Variants in GPC6 observed in about 807,000 individuals in gnomAD.
GPC6 encodes glypican-6.
GPC6 carries 14 observed loss-of-function variants against 55.2 expected under a neutral mutation model. The ratio of observed to expected loss-of-function variants is 0.25; its 90% CI spans 0.17 to 0.40. The LOEUF (loss-of-function observed/expected upper bound fraction) is 0.40, where lower values mean the gene tolerates loss of function less well. Ranked by LOEUF, GPC6 falls within the 10% of genes least tolerant of loss-of-function variation. The pLI, the probability that GPC6 is intolerant of heterozygous loss-of-function variation, is 1.00. For synonymous variants in GPC6, 278 were observed against 259.6 expected (o/e 1.07, Z -0.68); for missense variants, 641 against 708.5 (o/e 0.90, Z 1.08).
At chr13:94,029,361 TAA>T (rs1324663100) in intron 4 of GPC6, among the ~76,000 whole-genome samples, 1 of 152,260 alleles carries the variant, frequency 6.6e-6, no homozygotes, top group Non-Finnish European at 1.5e-5. Flanking sequence ...AGTTAATCAT[TAA>T]GTTATCCTTC....
At chr13:93,831,719 T>C (rs1211605658) in intron 3 of GPC6, among the ~76,000 whole-genome samples, 1 of 152,104 alleles carries the variant, frequency 6.6e-6, no homozygotes, top group Non-Finnish European at 1.5e-5. Flanking sequence ...ACAGAAAGAT[T>C]ATTTCTAGGA....
At chr13:93,968,200 A>T (rs1880130321) in intron 3 of GPC6, among the ~76,000 whole-genome samples, 1 of 152,228 alleles carries the variant, frequency 6.6e-6, no homozygotes, top group Non-Finnish European at 1.5e-5. Flanking sequence ...GCCAATTGAT[A>T]TGGAAGAGAG....
In GPC6 at chr13:93,505,776, G is replaced by C. The variant is rs181227537; in HGVS notation, c.161-39487G>C. On this transcript the variant is annotated intron_variant, in intron 1 of 8. Transcript: ENST00000377047. Reference sequence around the variant, plus strand: ...CATTGCTTTGTTTGTCCTCAGCTGGGAACATGTGTATCAGATGACTCAAAC... The same window carrying C: ...CATTGCTTTGTTTGTCCTCAGCTGGCAACATGTGTATCAGATGACTCAAAC... 5.6e-3 allele frequency among the ~76,000 whole-genome samples: 848 copies of C among 152,300 alleles called. 8 individuals are homozygous for C. The highest frequency in any genetic ancestry group is 0.02 in the African/African-American group (811 of 41,556).
At chr13:93,476,054 T>G (rs1433287517) in intron 1 of GPC6, among the ~76,000 whole-genome samples, 1 of 152,162 alleles carries the variant, frequency 6.6e-6, no homozygotes, top group African/African-American at 2.4e-5. Flanking sequence ...CCTGACTGAT[T>G]TTTTCATATT....
rs539303545 is a variant in GPC6, at chr13:94,025,112, A to G, written c.712-2617A>G. Reference sequence around the variant, plus strand: ...ATGCTCTAGGTTCTAATACCAGAACACTGAGTGAGAAGCACAGCATCATTT... The same window carrying G: ...ATGCTCTAGGTTCTAATACCAGAACGCTGAGTGAGAAGCACAGCATCATTT... On this transcript the variant is annotated intron_variant, in intron 3 of 8. Coordinates refer to ENST00000377047, the MANE Select transcript of GPC6 (RefSeq NM_005708.5). Among the ~76,000 whole-genome samples, 12 of 152,374 alleles carry G rather than the reference A, an allele frequency of 7.9e-5. 1 individual carries two copies. The South Asian group carries it at 2.5e-3, about 32-fold the overall frequency.
At chr13:93,893,114 C>A (rs1418467459) in intron 3 of GPC6, among the ~76,000 whole-genome samples, 1 of 148,922 alleles carries the variant, frequency 6.7e-6, no homozygotes, top group Admixed American at 6.7e-5. Context: ...GGCTGGAGTG[C>A]AATGGCACAA....
intron 4 of GPC6, among the ~76,000 whole-genome samples, chr13:94,147,159 C>A (rs569953251): frequency 1.3e-5 from 2 of 152,262 alleles, no homozygotes; most frequent in Non-Finnish European, 2.9e-5. Context: ...TTATAAAGAT[C>A]ATTTGCAGGT....
In GPC6 at chr13:93,820,613, T is replaced by TA. The variant is rs139710140; in HGVS notation, c.320-9531dup. Among the ~76,000 whole-genome samples the TA allele has an allele frequency of 3.1e-3, 450 of 146,356 alleles. 4 individuals carry two copies. The highest frequency in any genetic ancestry group is 8.8e-3 in the African/African-American group (356 of 40,244). On this transcript the variant is annotated intron_variant, in intron 2 of 8. Coordinates refer to ENST00000377047, the MANE Select transcript of GPC6 (RefSeq NM_005708.5). Reference sequence around the variant, plus strand: ...TTATTAATTGTCATGAATGGAAAGTTAAAAAAAAAAGGAAATTGTAATAAC... The same window carrying TA: ...TTATTAATTGTCATGAATGGAAAGTTAAAAAAAAAAAGGAAATTGTAATAAC...
chr13:93,771,019 C>G (rs191769819), intron 2 of GPC6, among the ~76,000 whole-genome samples: 1 of 152,230 alleles, frequency 6.6e-6, no homozygotes, highest in East Asian at 1.9e-4. Flanking sequence ...ATCCTACAGT[C>G]TCAGTAATCT....
chr13:93,902,094 T>C (rs892846570), intron 3 of GPC6, among the ~76,000 whole-genome samples: 6 of 152,026 alleles, frequency 3.9e-5, no homozygotes, highest in African/African-American at 1.4e-4. Flanking sequence ...TTTTAGCTAT[T>C]TTAAAATGTA....
intron 1 of GPC6, among the ~76,000 whole-genome samples, chr13:93,315,027 A>C (rs898346984): frequency 6.6e-6 from 1 of 152,088 alleles, no homozygotes; most frequent in Non-Finnish European, 1.5e-5. Flanking sequence ...AAAACAGTAC[A>C]TTGTTGGTTT....
intron 1 of GPC6, among the ~76,000 whole-genome samples, chr13:93,512,402 G>GT (rs1194845246): frequency 6.6e-6 from 1 of 152,002 alleles, no homozygotes; most frequent in Non-Finnish European, 1.5e-5. Context: ...TATATAAAAT[G>GT]TTTTTTGTGT....
chr13:94,168,411 G>A (rs1442069960), intron 4 of GPC6, among the ~76,000 whole-genome samples: 1 of 152,198 alleles, frequency 6.6e-6, no homozygotes, highest in East Asian at 1.9e-4. Context: ...AGCCCGTAAT[G>A]TTGGGGGCCA....
At chr13:94,228,691 T>TATGTACGTGGAG (rs1890629109) in intron 4 of GPC6, among the ~76,000 whole-genome samples, 2 of 151,692 alleles carry the variant, frequency 1.3e-5, no homozygotes, top group Non-Finnish European at 2.9e-5. Flanking sequence ...CACATAGGCC[T>TATGTACGTGGAG]AAAGAATATT....
intron 3 of GPC6, among the ~76,000 whole-genome samples, chr13:94,005,878 G>T (rs972483855): frequency 2.0e-5 from 3 of 152,190 alleles, no homozygotes; most frequent in South Asian, 4.2e-4. Flanking sequence ...TCTGATAAGT[G>T]TCTAAATTAG....
intron 3 of GPC6, among the ~76,000 whole-genome samples, chr13:93,987,530 T>G (rs1881085251): frequency 1.3e-5 from 2 of 152,358 alleles, no homozygotes; most frequent in South Asian, 4.1e-4. Context: ...TAAATTTGAC[T>G]GTGACTATGA....
intron 6 of GPC6, among the ~76,000 whole-genome samples, chr13:94,340,995 T>C (rs1377130100): frequency 6.6e-6 from 1 of 152,240 alleles, no homozygotes; most frequent in African/African-American, 2.4e-5. Flanking sequence ...ACACTGGCAT[T>C]ATCTTCTATT....
At chr13:93,587,202 T>C (rs553157518) in intron 2 of GPC6, among the ~76,000 whole-genome samples, 1 of 152,046 alleles carries the variant, frequency 6.6e-6, no homozygotes, top group Non-Finnish European at 1.5e-5. Flanking sequence ...ACTTATTATA[T>C]AATATTTTAT....
At chr13:94,272,343 GA>G (rs1213551548) in intron 4 of GPC6, among the ~76,000 whole-genome samples, 2 of 151,848 alleles carry the variant, frequency 1.3e-5, no homozygotes, top group Non-Finnish European at 2.9e-5. Flanking sequence ...CAAAGGAGGA[GA>G]AATAGAAGAA....
Sources: allele counts gnomAD v4.1 joint callset (sites outside exome capture counted in the v4.1 genomes callset), GRCh38; gene constraint gnomAD v4.1.1; transcripts MANE v1.5; gene names NCBI Gene and HGNC (gene_info 2026-07-23, HGNC 2026-07-21).